Variants in FAM222B observed in about 807,000 individuals in gnomAD.
FAM222B encodes protein FAM222B.
Under a neutral mutation model 38.0 loss-of-function variants are expected in FAM222B, and 12 were observed. The ratio of observed to expected loss-of-function variants is 0.32; its 90% confidence interval spans 0.20 to 0.51. FAM222B has a LOEUF of 0.51. Ranked by LOEUF, FAM222B falls within the 20% of genes least tolerant of loss-of-function variation. The pLI is 0.97. For missense variants in FAM222B, 716 were observed against 754.2 expected (o/e 0.95, Z 0.59); for synonymous variants, 329 against 317.2 (o/e 1.04, Z -0.40).
chr17:28,850,247 A>G (rs1174798905), intron 1 of FAM222B, among the ~76,000 whole-genome samples: 1 of 149,988 alleles, frequency 6.7e-6, no homozygotes, highest in Non-Finnish European at 1.5e-5. Flanking sequence ...TTTTCCTTCC[A>G]CTCTGGGTAC....
At chr17:28,839,746 T>G (rs2152628584) in intron 1 of FAM222B, among the ~76,000 whole-genome samples, 1 of 152,280 alleles carries the variant, frequency 6.6e-6, no homozygotes, top group Non-Finnish European at 1.5e-5. Context: ...AACAAAGTAT[T>G]ATAGACAAAT....
rs376696824 is a variant in FAM222B at position 28,758,537 on chromosome 17, C to A, written c.1422G>T (p.Pro474=). The A allele has an allele frequency of 6.2e-7, 1 of 1,610,662 alleles. No homozygotes were observed. The highest frequency in any genetic ancestry group is 1.1e-5 in the South Asian group (1 of 91,088). The part of the protein sequence containing the change: ...DSSGSQDLAM[P]FHGGQPTGAP... Reference sequence around the variant, plus strand: ...CACCTGTGGGCTGCCCACCGTGGAACGGCATGGCAAGGTCCTGAGACCCCG... The same window carrying A: ...CACCTGTGGGCTGCCCACCGTGGAAAGGCATGGCAAGGTCCTGAGACCCCG... The change falls in exon 3 of 3, where the codon CCG becomes CCT. Residue 474 remains proline (P), a synonymous_variant. Coordinates refer to ENST00000581407, the MANE Select transcript of FAM222B (RefSeq NM_001077498.3).
intron 1 of FAM222B, among the ~76,000 whole-genome samples, chr17:28,779,673 C>A (rs1000437182): frequency 6.6e-6 from 1 of 151,940 alleles, no homozygotes; most frequent in Non-Finnish European, 1.5e-5. Context: ...ATGGCGTGAA[C>A]CCCGGAGGCG....
chr17:28,830,999 T>A, intron 1 of FAM222B, among the ~76,000 whole-genome samples: 1 of 143,660 alleles, frequency 7.0e-6, no homozygotes, highest in East Asian at 2.0e-4. Context: ...TCTTTTTTTT[T>A]TTTTTTTTTT....
At chr17:28,805,695 T>C (rs965482164) in intron 1 of FAM222B, among the ~76,000 whole-genome samples, 1 of 151,912 alleles carries the variant, frequency 6.6e-6, no homozygotes, top group Non-Finnish European at 1.5e-5. Flanking sequence ...GTGGGATCTC[T>C]GTCTCAAAAC....
intron 1 of FAM222B, among the ~76,000 whole-genome samples, chr17:28,832,194 A>C (rs2038691527): frequency 6.6e-6 from 1 of 152,134 alleles, no homozygotes; most frequent in Non-Finnish European, 1.5e-5. Context: ...CATCTCAAAA[A>C]AAATAAAATA....
chr17:28,776,367 C>A (rs1404942958), intron 1 of FAM222B, among the ~76,000 whole-genome samples: 2 of 132,416 alleles, frequency 1.5e-5, no homozygotes, highest in Non-Finnish European at 1.6e-5. Context: ...CAGAGCGAGA[C>A]TCCGTCTCAA....
chr17:28,760,589 A>G (rs1357837248), intron 2 of FAM222B, among the ~76,000 whole-genome samples: 1 of 149,818 alleles, frequency 6.7e-6, no homozygotes, highest in East Asian at 1.9e-4. Context: ...CAGAAAAAGA[A>G]AAAAAAAAAA....
chr17:28,789,475 G>GAGCC (rs2036572874), intron 1 of FAM222B, among the ~76,000 whole-genome samples: 2 of 152,184 alleles, frequency 1.3e-5, no homozygotes, highest in African/African-American at 4.8e-5. Flanking sequence ...TTACAGGCGT[G>GAGCC]AGCCACTGTG....
At chr17:28,804,484 G>A (rs561319979) in intron 1 of FAM222B, among the ~76,000 whole-genome samples, 4 of 152,032 alleles carry the variant, frequency 2.6e-5, no homozygotes, top group South Asian at 2.1e-4. Context: ...ACAGGCACGC[G>A]CCACCACGCC....
chr17:28,786,403 G>GT (rs770252217), intron 1 of FAM222B, among the ~76,000 whole-genome samples: 3 of 152,144 alleles, frequency 2.0e-5, no homozygotes, highest in Non-Finnish European at 4.4e-5. Context: ...GGGGAGAGCT[G>GT]TATTATTCAC....
intron 2 of FAM222B, among the ~76,000 whole-genome samples, chr17:28,764,366 T>C (rs2035231555): frequency 6.6e-6 from 1 of 150,576 alleles, no homozygotes; most frequent in Admixed American, 6.6e-5. Context: ...CACTTGAACT[T>C]GGGAGGCGGA....
chr17:28,828,646 T>G (rs906337715), intron 1 of FAM222B, among the ~76,000 whole-genome samples: 4 of 152,126 alleles, frequency 2.6e-5, no homozygotes, highest in Non-Finnish European at 5.9e-5. Context: ...TCTAGACTTT[T>G]CACTTTTAAT....
At chr17:28,803,055 C>T (rs1396732263) in intron 1 of FAM222B, among the ~76,000 whole-genome samples, 1 of 151,818 alleles carries the variant, frequency 6.6e-6, no homozygotes, top group Non-Finnish European at 1.5e-5. Flanking sequence ...GTTGCCTAGG[C>T]TGGAGTACAG....
At chr17:28,838,834 G>A (rs1188786628) in intron 1 of FAM222B, among the ~76,000 whole-genome samples, 2 of 152,004 alleles carry the variant, frequency 1.3e-5, no homozygotes, top group Non-Finnish European at 2.9e-5. Context: ...TTGAACACAG[G>A]AGGCAGACGT....
intron 1 of FAM222B, among the ~76,000 whole-genome samples, chr17:28,811,207 G>A (rs1368307539): frequency 6.6e-6 from 1 of 152,162 alleles, no homozygotes; most frequent in African/African-American, 2.4e-5. Flanking sequence ...TTGGGAGGCC[G>A]AGGCGGGTGG....
At chr17:28,787,345 C>T (rs2036461025) in intron 1 of FAM222B, among the ~76,000 whole-genome samples, 1 of 152,172 alleles carries the variant, frequency 6.6e-6, no homozygotes, top group South Asian at 2.1e-4. Context: ...CCTTTAGGCC[C>T]TTCCTTCTCC....
intron 1 of FAM222B, among the ~76,000 whole-genome samples, chr17:28,823,282 C>T (rs369995181): frequency 6.6e-6 from 1 of 152,024 alleles, no homozygotes; most frequent in Non-Finnish European, 1.5e-5. Flanking sequence ...ACCAATAATC[C>T]CTAGGTTGTC....
chr17:28,769,937 T>C (rs917642382), intron 1 of FAM222B, among the ~76,000 whole-genome samples: 7 of 152,190 alleles, frequency 4.6e-5, no homozygotes, highest in Non-Finnish European at 1.0e-4. Context: ...AAATGTCACT[T>C]CTTAAGGGGA....
Sources: gnomAD v4.1 joint callset for allele counts (sites outside exome capture counted in the v4.1 genomes callset) on GRCh38, gnomAD v4.1.1 for gene constraint, MANE v1.5 for transcripts, NCBI Gene and HGNC (gene_info 2026-07-23, HGNC 2026-07-21) for gene names.